RASAL2: variants seen among roughly 807,000 people sequenced by gnomAD.
RASAL2 encodes the protein RAS protein activator like 2, also known as ras GTPase-activating protein nGAP.
Under a neutral mutation model 128.9 loss-of-function variants are expected in RASAL2, and 58 were observed. The observed-to-expected ratio is 0.45, with a 90% confidence interval of 0.36 to 0.56. The LOEUF is 0.56. Among genes scored for constraint, RASAL2 ranks in the 20% least tolerant of loss-of-function variants. The probability of loss-of-function intolerance (pLI) is 0.00; values close to 1 mark genes in which losing one functional copy is unlikely to be tolerated. For missense variants in RASAL2, 1,360 were observed against 1,601.6 expected (o/e 0.85, Z 2.57); for synonymous variants, 561 against 580.8 (o/e 0.97, Z 0.49).
At chr1:178,437,754 T>C (rs1354577372) in intron 5 of RASAL2, among the ~76,000 whole-genome samples, 1 of 152,120 alleles carries the variant, frequency 6.6e-6, no homozygotes, top group Non-Finnish European at 1.5e-5. Flanking sequence ...TATATGATAA[T>C]TAAAGTACAA....
intron 1 of RASAL2, among the ~76,000 whole-genome samples, chr1:178,152,455 T>G (rs1660944433): frequency 6.6e-6 from 1 of 152,138 alleles, no homozygotes; most frequent in African/African-American, 2.4e-5. Context: ...GACCCCTGAT[T>G]TATAGCTGGT....
chr1:178,098,221 T>C (rs1016118156), intron 1 of RASAL2, among the ~76,000 whole-genome samples: 2 of 152,236 alleles, frequency 1.3e-5, no homozygotes, highest in African/African-American at 4.8e-5. Flanking sequence ...TTGCTCATAG[T>C]AAGTCAGTGT....
chr1:178,252,205 TTAAAA>T (rs1422876850), intron 1 of RASAL2, among the ~76,000 whole-genome samples: 2 of 152,172 alleles, frequency 1.3e-5, no homozygotes, highest in Non-Finnish European at 2.9e-5. Flanking sequence ...ATTCAATATT[TTAAAA>T]TAAAATTATG....
chr1:178,254,827 A>G (rs1233520276), intron 1 of RASAL2, among the ~76,000 whole-genome samples: 1 of 152,228 alleles, frequency 6.6e-6, no homozygotes, highest in Non-Finnish European at 1.5e-5. Flanking sequence ...AGCTCAGTGA[A>G]CTCCAAGTAG....
chr1:178,178,159 C>A (rs1480924305), intron 1 of RASAL2, among the ~76,000 whole-genome samples: 1 of 152,016 alleles, frequency 6.6e-6, no homozygotes, highest in Non-Finnish European at 1.5e-5. Flanking sequence ...TAAAAAAATT[C>A]AATAGGAATA....
Position 178,454,526 on chromosome 1 carries a change from T to C in RASAL2, c.2089T>C (p.Leu697=). ...HEWGGMKRFL[L]EISNPDTISN... ...ATGGGGTGGAATGAAGCGCTTTCTT[T>C]TGGAGATCTCTAATCCAGACACCAT... is the stretch of plus-strand genomic sequence containing the variant. Residue 697 remains leucine (L), a synonymous_variant, in exon 12 of 18, where the codon TTG becomes CTG. Coordinates refer to ENST00000367649, the MANE Select transcript of RASAL2 (RefSeq NM_170692.4). The C allele has an allele frequency of 1.9e-6, 3 of 1,613,770 alleles. No homozygotes were observed. Among genetic ancestry groups the C allele is most frequent in the Non-Finnish European group, 2.5e-6 (3 of 1,179,708 alleles).
intron 5 of RASAL2, among the ~76,000 whole-genome samples, chr1:178,430,853 G>A (rs1016951646): frequency 6.7e-5 from 10 of 148,500 alleles, no homozygotes; most frequent in African/African-American, 2.0e-4. Flanking sequence ...GTGTTGATAC[G>A]AATCCTAACT....
intron 1 of RASAL2, among the ~76,000 whole-genome samples, chr1:178,141,266 G>A (rs1660523870): frequency 6.7e-6 from 1 of 149,020 alleles, no homozygotes; most frequent in Admixed American, 6.7e-5. Context: ...CATACAATGG[G>A]AGGGGACCCA....
chr1:178,409,038 A>G (rs1244838599), intron 4 of RASAL2, among the ~76,000 whole-genome samples: 1 of 152,278 alleles, frequency 6.6e-6, no homozygotes, highest in East Asian at 1.9e-4. Flanking sequence ...CAGGAAATTT[A>G]CAGTTATAGC....
intron 1 of RASAL2, among the ~76,000 whole-genome samples, chr1:178,214,378 T>A (rs993342575): frequency 1.3e-5 from 2 of 152,202 alleles, no homozygotes; most frequent in Non-Finnish European, 2.9e-5. Flanking sequence ...GCCATACATA[T>A]AACTTGACTT....
At chr1:178,170,714 C>G (rs1661678408) in intron 1 of RASAL2, among the ~76,000 whole-genome samples, 1 of 151,442 alleles carries the variant, frequency 6.6e-6, no homozygotes, top group African/African-American at 2.4e-5. Context: ...GAGCTCTTAT[C>G]TATCTATAAC....
intron 17 of RASAL2, among the ~76,000 whole-genome samples, chr1:178,472,708 A>G (rs1264812456): frequency 2.6e-5 from 4 of 152,154 alleles, no homozygotes; most frequent in Non-Finnish European, 5.9e-5. Context: ...TTGCCACCTA[A>G]TTTCCATGTT....
At chr1:178,444,813 A>G (rs1264236412) in intron 8 of RASAL2, among the ~76,000 whole-genome samples, 1 of 152,188 alleles carries the variant, frequency 6.6e-6, no homozygotes, top group African/African-American at 2.4e-5. Flanking sequence ...TATATTGAAC[A>G]CCTAATATAT....
chr1:178,191,189 A>G (rs1465714717), intron 1 of RASAL2, among the ~76,000 whole-genome samples: 2 of 152,186 alleles, frequency 1.3e-5, no homozygotes, highest in Non-Finnish European at 2.9e-5. Context: ...CATACACTCT[A>G]GAACTCAAAA....
rs375868408 is a variant in RASAL2 at position 178,300,150 on chromosome 1, A to T, written c.457+32A>T. 3 of 1,585,782 alleles carry T rather than the reference A, an allele frequency of 1.9e-6. No homozygotes were observed. In the African/African-American group the frequency reaches 4.1e-5, roughly 22 times the overall value. On this transcript the variant is annotated intron_variant, in intron 3 of 17. Coordinates refer to ENST00000367649, the MANE Select transcript of RASAL2 (RefSeq NM_170692.4). ...TACTATGAAAAGGAAATAAATTCCT[A>T]GCTTTTATCCCATAATTTATGGACT...
intron 3 of RASAL2, among the ~76,000 whole-genome samples, chr1:178,371,553 G>T (rs891099000): frequency 6.6e-6 from 1 of 152,016 alleles, no homozygotes; most frequent in East Asian, 1.9e-4. Flanking sequence ...CATGCGAGGT[G>T]GGGGGAGGAA....
rs184418480 is a variant in RASAL2 at position 178,153,929 on chromosome 1, G to T, written c.202+59235G>T. Among the ~76,000 whole-genome samples the T allele has an allele frequency of 2.4e-3, 368 of 152,196 alleles. 1 individual carries two copies. Among genetic ancestry groups the T allele is most frequent in the African/African-American group, 8.6e-3 (357 of 41,528 alleles). On this transcript the variant is annotated intron_variant, in intron 1 of 17. Coordinates refer to ENST00000367649, the MANE Select transcript of RASAL2 (RefSeq NM_170692.4). ...TGGCTTACTGCAACCTCTACCTCCT[G>T]GGTGCAAGCGAGTCTCCTGCCTCAG...
At chr1:178,203,111 CACTT>C (rs1383718355) in intron 1 of RASAL2, among the ~76,000 whole-genome samples, 2 of 152,180 alleles carry the variant, frequency 1.3e-5, no homozygotes, top group East Asian at 1.9e-4. Context: ...CTGGAATAGA[CACTT>C]ACTCTGGATA....
chr1:178,173,914 T>A (rs316275), intron 1 of RASAL2, among the ~76,000 whole-genome samples: 112,435 of 150,422 alleles, frequency 0.75, 44,521 homozygotes, highest in Non-Finnish European at 0.88. Context: ...TTTTTTTTTT[T>A]AAAAAAGTTC....
Sources: gnomAD v4.1 joint callset for allele counts (sites outside exome capture counted in the v4.1 genomes callset) on GRCh38, gnomAD v4.1.1 for gene constraint, MANE v1.5 for transcripts, NCBI Gene and HGNC (gene_info 2026-07-23, HGNC 2026-07-21) for gene names.